ZMAT4: variants seen among roughly 807,000 people sequenced by gnomAD.
The protein encoded by ZMAT4 is zinc finger matrin-type 4.
ZMAT4 carries 17 observed loss-of-function variants against 28.7 expected under a neutral mutation model. The ratio of observed to expected loss-of-function variants is 0.59; its 90% confidence interval spans 0.41 to 0.89. The LOEUF (loss-of-function observed/expected upper bound fraction) is 0.89, where lower values mean the gene tolerates loss of function less well. Among genes scored for constraint, ZMAT4 ranks in the 40% least tolerant of loss-of-function variants. The pLI is 0.00. For synonymous variants in ZMAT4, 117 were observed against 109.2 expected, an observed-to-expected ratio of 1.07 and a Z score of -0.44; for missense variants, 240 against 283.8, an observed-to-expected ratio of 0.85 and a Z score of 1.11.
intron 3 of ZMAT4, among the ~76,000 whole-genome samples, chr8:40,724,037 C>T (rs1811216773): frequency 1.3e-5 from 2 of 152,216 alleles, no homozygotes; most frequent in Admixed American, 1.3e-4. Context: ...AGATAAGCAA[C>T]TCTGCTTAGT....
chr8:40,612,878 T>C (rs1238632459), intron 5 of ZMAT4, among the ~76,000 whole-genome samples: 12 of 150,102 alleles, frequency 8.0e-5, no homozygotes, highest in Admixed American at 7.4e-4. Context: ...AATGACGTGA[T>C]CTTGGCTCAC....
At chr8:40,732,637 A>G (rs1811588300) in intron 3 of ZMAT4, among the ~76,000 whole-genome samples, 2 of 152,186 alleles carry the variant, frequency 1.3e-5, no homozygotes, top group South Asian at 2.1e-4. Flanking sequence ...AAATATCCAC[A>G]GGTCCATGAG....
chr8:40,769,627 C>A (rs1190374451), intron 2 of ZMAT4, among the ~76,000 whole-genome samples: 1 of 152,182 alleles, frequency 6.6e-6, no homozygotes, highest in Non-Finnish European at 1.5e-5. Flanking sequence ...ACAATGTGAG[C>A]TCAAATGTGG....
At chr8:40,666,849 G>T (rs192223573) in intron 5 of ZMAT4, among the ~76,000 whole-genome samples, 7 of 151,932 alleles carry the variant, frequency 4.6e-5, no homozygotes, top group Non-Finnish European at 7.4e-5. Context: ...AACAATATGA[G>T]AAAGCAGAGA....
chr8:40,789,156 CA>C (rs560964766), intron 2 of ZMAT4, among the ~76,000 whole-genome samples: 9 of 146,278 alleles, frequency 6.2e-5, no homozygotes, highest in South Asian at 4.4e-4. Context: ...GAATAGATGC[CA>C]AAAAAAAAGG....
intron 3 of ZMAT4, among the ~76,000 whole-genome samples, chr8:40,738,937 G>A (rs1468419992): frequency 1.2e-4 from 18 of 152,158 alleles, no homozygotes; most frequent in Admixed American, 1.2e-3. Context: ...GAAATTTAGT[G>A]CTCATAAAAG....
intron 4 of ZMAT4, among the ~76,000 whole-genome samples, chr8:40,682,791 A>G (rs983765128): frequency 1.3e-5 from 2 of 152,240 alleles, no homozygotes; most frequent in African/African-American, 4.8e-5. Flanking sequence ...GAGTATTCAT[A>G]GACCATTGAG....
rs1441983952 is a variant in ZMAT4, at chr8:40,577,843, C to T, written c.674+3322G>A. Among the ~76,000 whole-genome samples the T allele has an allele frequency of 3.3e-5, 5 of 151,374 alleles. No homozygotes were observed. In the South Asian group the frequency reaches 6.3e-4, roughly 19 times the overall value. ...AAATTATTAAATAATCAAATTTATTCTAGTATCCCAAAACAATAAATTCTT... is the reference window on the plus strand; with the variant it reads ...AAATTATTAAATAATCAAATTTATTTTAGTATCCCAAAACAATAAATTCTT... On this transcript the variant is annotated intron_variant, in intron 6 of 6. Coordinates refer to ENST00000297737, the MANE Select transcript of ZMAT4 (RefSeq NM_024645.3).
intron 4 of ZMAT4, among the ~76,000 whole-genome samples, chr8:40,693,996 G>A (rs761335612): frequency 1.3e-5 from 2 of 152,172 alleles, no homozygotes; most frequent in African/African-American, 2.4e-5. Flanking sequence ...CACGGGGGTG[G>A]GGGCAGCATA....
chr8:40,712,391 T>C (rs1810663059), intron 3 of ZMAT4, among the ~76,000 whole-genome samples: 1 of 152,250 alleles, frequency 6.6e-6, no homozygotes, highest in South Asian at 2.1e-4. Flanking sequence ...ATATCTCCAC[T>C]GTGTCCCCCA....
intron 1 of ZMAT4, among the ~76,000 whole-genome samples, chr8:40,837,803 T>C (rs1023231896): frequency 2.0e-5 from 3 of 152,210 alleles, no homozygotes; most frequent in African/African-American, 7.2e-5. Flanking sequence ...ACAAGGCGTG[T>C]GTCCTGGTAC....
intron 3 of ZMAT4, among the ~76,000 whole-genome samples, chr8:40,736,671 G>A (rs1057221764): frequency 6.6e-6 from 1 of 152,184 alleles, no homozygotes; most frequent in Non-Finnish European, 1.5e-5. Flanking sequence ...ACAAGAATAA[G>A]GAGTGATTGG....
intron 2 of ZMAT4, among the ~76,000 whole-genome samples, chr8:40,796,251 GCCCCA>G (rs763310941): frequency 2.0e-5 from 3 of 152,166 alleles, no homozygotes; most frequent in Non-Finnish European, 4.4e-5. Context: ...GAGGAAACCG[GCCCCA>G]CCGTTGTCTG....
At chr8:40,804,454 A>C (rs535643424) in intron 2 of ZMAT4, among the ~76,000 whole-genome samples, 10 of 152,236 alleles carry the variant, frequency 6.6e-5, no homozygotes, top group Non-Finnish European at 1.0e-4. Flanking sequence ...GAAATGGATA[A>C]ATCAGTCAAT....
At chr8:40,876,384 G>A (rs963006599) in intron 1 of ZMAT4, among the ~76,000 whole-genome samples, 1 of 152,182 alleles carries the variant, frequency 6.6e-6, no homozygotes, top group Non-Finnish European at 1.5e-5. Flanking sequence ...TTTGTGGCAT[G>A]ATCATAGCTC....
chr8:40,664,585 G>A (rs1048214303), intron 5 of ZMAT4, among the ~76,000 whole-genome samples: 2 of 152,164 alleles, frequency 1.3e-5, no homozygotes, highest in African/African-American at 2.4e-5. Flanking sequence ...CTCCAGCCTC[G>A]TTCAAGCTTT....
intron 1 of ZMAT4, among the ~76,000 whole-genome samples, chr8:40,842,214 C>T (rs773602599): frequency 6.6e-6 from 1 of 152,186 alleles, no homozygotes; most frequent in African/African-American, 2.4e-5. Flanking sequence ...TGTCCCTCTG[C>T]CCACCAAGTG....
At chr8:40,895,912 C>G (rs1004104) in intron 1 of ZMAT4, among the ~76,000 whole-genome samples, 4,258 of 152,294 alleles carry the variant, frequency 0.028, 130 homozygotes, top group Admixed American at 0.085. Context: ...AGGACGACGT[C>G]CATGACTAAC....
chr8:40,571,991 A>G (rs1804114311), intron 6 of ZMAT4, among the ~76,000 whole-genome samples: 1 of 152,176 alleles, frequency 6.6e-6, no homozygotes, highest in African/African-American at 2.4e-5. Context: ...AAAGAATATT[A>G]ATATGTTTAG....
Sources: gnomAD v4.1 joint callset for allele counts (sites outside exome capture counted in the v4.1 genomes callset) on GRCh38, gnomAD v4.1.1 for gene constraint, MANE v1.5 for transcripts, NCBI Gene and HGNC (gene_info 2026-07-23, HGNC 2026-07-21) for gene names.